RPS12: variants seen among roughly 807,000 people sequenced by gnomAD.
RPS12 encodes ribosomal protein S12.
In RPS12, 1 loss-of-function variant was observed where a neutral mutation model predicts 17.2. The observed-to-expected ratio is 0.06, with a 90% CI of 0.02 to 0.28. RPS12 has a LOEUF of 0.28. Among genes scored for constraint, RPS12 ranks in the 10% least tolerant of loss-of-function variants. RPS12 has a pLI of 1.00. For missense variants in RPS12, 146 were observed against 162.1 expected (o/e 0.90, Z 0.54); for synonymous variants, 67 against 54.0 (o/e 1.24, Z -1.06).
chr6:132,815,261 G>A (rs1164015683), intron 3 of RPS12, 173 bp downstream of exon 3: 3 of 749,196 alleles, frequency 4.0e-6, no homozygotes, highest in South Asian at 2.7e-5. Flanking sequence ...CACTTAAAAT[G>A]TGTGGGTTGC....
intron 4 of RPS12, 198 bp downstream of exon 4, chr6:132,816,761 A>C (rs768874234): frequency 1.3e-6 from 1 of 768,742 alleles, no homozygotes; most frequent in Admixed American, 1.7e-5. Flanking sequence ...TGACGTTGGT[A>C]TACAACAAAG....
intron 1 of RPS12, 30 bp from the exon 2 acceptor site, chr6:132,814,702 C>A: frequency 1.3e-6 from 2 of 1,578,912 alleles, no homozygotes; most frequent in Non-Finnish European, 1.7e-6. Flanking sequence ...GTATCTGGTT[C>A]TTTAACAAGT....
chr6:132,814,638 G>C (rs978765766), intron 1 of RPS12, 25 bp downstream of exon 1: 1 of 1,079,512 alleles, frequency 9.3e-7, no homozygotes, highest in African/African-American at 1.6e-5. Flanking sequence ...GCGGCAGGGG[G>C]GTGTATTGGT....
At chr6:132,814,668 C>T (rs9493450) in intron 1 of RPS12, 55 bp downstream of exon 1, 580,023 of 1,335,110 alleles carry the variant, frequency 0.43, 132,034 homozygotes, top group African/African-American at 0.73. Flanking sequence ...TGGCTCGTTG[C>T]GTTCTTGCTG....
intron 3 of RPS12, chr6:132,815,649 T>C (rs1483488209): frequency 4.4e-6 from 2 of 456,632 alleles, no homozygotes; most frequent in Non-Finnish European, 8.8e-6. Context: ...TTGAGCTGAA[T>C]TTAAATGCAG....
In RPS12 at chr6:132,816,827, C is replaced by T. The variant is rs745505963; in HGVS notation, c.235-133C>T. 4.6e-5 allele frequency: 36 copies of T among 780,372 alleles called. No homozygotes were observed. In the East Asian group the frequency reaches 7.5e-4, roughly 16 times the overall value. 48.3% of individuals were successfully genotyped at this position (780,372 alleles called of 1,614,324 possible). A position where few individuals can be genotyped will look rare whatever the true frequency, so the allele number is the denominator to read the frequency against. ...GCTGTACATGATGACAACTGGCTCC[C>T]TCTACTGAACTGCCATGAGGAAACT... On this transcript the variant is annotated intron_variant, in intron 4 of 5. Coordinates refer to ENST00000230050, the MANE Select transcript of RPS12 (RefSeq NM_001016.4).
In RPS12 at chr6:132,814,600, G is replaced by A. The variant is rs1173473207; in HGVS notation, c.-51G>A. ...CCCTGCCGCCGCCGAGTCGCGCGGA[G>A]GCGGAGGCTTGGGGTAAGTTGAGCG... On this transcript the variant is annotated 5_prime_UTR_variant, in exon 1 of 6. Transcript: ENST00000230050. The A allele has an allele frequency of 2.4e-6, 2 of 840,332 alleles. No homozygotes were observed. The highest frequency in any genetic ancestry group is 2.0e-6 in the Non-Finnish European group (1 of 499,016). The allele number at this position is 840,332 out of a possible 1,614,324, so 52.1% of individuals were successfully genotyped here. A position where few individuals can be genotyped will look rare whatever the true frequency, so the allele number is the denominator to read the frequency against.
Position 132,814,967 on chromosome 6 carries a change from T to A in RPS12, c.15-5T>A. ...AACTGATGGTTCTGATGTGTCGCGT[T>A]TAAGCATTGCTGCTGGAGGTGTAAT... On this transcript the variant is annotated splice_polypyrimidine_tract_variant and splice_region_variant and intron_variant, in intron 2 of 5. Transcript: ENST00000230050. 6.3e-7 allele frequency: 1 copy of A among 1,592,544 alleles called. No individual in the cohort carries two copies. Among genetic ancestry groups the A allele is most frequent in the Non-Finnish European group, 8.6e-7 (1 of 1,160,398 alleles).
At position 132,814,610 on chromosome 6, in the gene RPS12, T is replaced by C. The variant is rs897106328; in HGVS notation, c.-41T>C. 6 of 891,756 alleles carry C rather than the reference T, an allele frequency of 6.7e-6. No homozygotes were observed. The highest frequency in any genetic ancestry group is 7.4e-6 in the Non-Finnish European group (4 of 541,594). The allele number at this position is 891,756 out of a possible 1,614,324, so 55.2% of individuals were successfully genotyped here. ...GCCGAGTCGCGCGGAGGCGGAGGCT[T>C]GGGGTAAGTTGAGCGAGGCGGCAGG... On this transcript the variant is annotated 5_prime_UTR_variant, in exon 1 of 6. Coordinates refer to ENST00000230050, the MANE Select transcript of RPS12 (RefSeq NM_001016.4).
chr6:132,814,684 C>T (rs951132782), intron 1 of RPS12, 48 bp from the exon 2 acceptor site: 8 of 1,463,584 alleles, frequency 5.5e-6, no homozygotes, highest in Admixed American at 5.0e-5. Context: ...TGCTGGGATT[C>T]GTGACGAGTA....
At chr6:132,816,324 T>A (rs1782061307) in intron 3 of RPS12, 137 bp from the exon 4 acceptor site, 1 of 640,136 alleles carries the variant, frequency 1.6e-6, no homozygotes, top group Non-Finnish European at 2.8e-6. Context: ...CAAGCAATTT[T>A]GTACGCATTT....
intron 3 of RPS12, chr6:132,815,799 T>C (rs1237309190): frequency 8.8e-6 from 4 of 456,382 alleles, no homozygotes; most frequent in Admixed American, 2.4e-5. Context: ...TTGCATGGCA[T>C]TTCATAACTG....
intron 4 of RPS12, 106 bp downstream of exon 4, chr6:132,816,669 T>C (rs1008210687): frequency 2.2e-5 from 18 of 825,278 alleles, no homozygotes; most frequent in African/African-American, 1.0e-4. Context: ...GTGTAAACAT[T>C]ACGTGCACCT....
chr6:132,815,038 C>T lies in RPS12; in HGVS notation c.81C>T (p.Ile27=), dbSNP rs1201870594. 2 of 1,613,740 alleles carry T rather than the reference C, an allele frequency of 1.2e-6. No homozygotes were observed. The highest frequency in any genetic ancestry group is 1.7e-5 in the Admixed American group (1 of 60,014). The part of the protein sequence containing the change: ...ALQEVLKTAL[I]HDGLARGIRE... ...AAGAGGTTCTGAAGACTGCCCTCAT[C>T]CACGATGGCCTAGCACGTGGAATTC... Residue 27 remains isoleucine (I), a synonymous_variant, in exon 3 of 6, where the codon ATC becomes ATT. Transcript: ENST00000230050.
rs1035754000 is a variant in RPS12 at position 132,814,599 on chromosome 6, A to C, written c.-52A>C. The C allele has an allele frequency of 2.4e-6, 2 of 825,386 alleles. No individual in the cohort carries two copies. Among genetic ancestry groups the C allele is most frequent in the Non-Finnish European group, 4.1e-6 (2 of 487,206 alleles). The allele number at this position is 825,386 out of a possible 1,614,324, so 51.1% of individuals were successfully genotyped here. ...TCCCTGCCGCCGCCGAGTCGCGCGG[A>C]GGCGGAGGCTTGGGGTAAGTTGAGC... is the stretch of plus-strand genomic sequence containing the variant. On this transcript the variant is annotated 5_prime_UTR_variant, in exon 1 of 6. Transcript: ENST00000230050.
chr6:132,814,719 T>C lies in RPS12; in HGVS notation c.-37-13T>C, dbSNP rs747363539. ...ATCTGGTTCTTTAACAAGTCAATGC[T>C]TTTGTTTTTTAGTGCGTTCAAGATT... On this transcript the variant is annotated splice_polypyrimidine_tract_variant and intron_variant, in intron 1 of 5. Transcript: ENST00000230050. 2.5e-6 allele frequency: 4 copies of C among 1,605,136 alleles called. No individual in the cohort carries two copies. In the South Asian group the frequency reaches 4.4e-5, roughly 18 times the overall value.
At chr6:132,815,292 A>T in intron 3 of RPS12, 1 of 736,894 alleles carries the variant, frequency 1.4e-6, no homozygotes, top group Non-Finnish European at 2.5e-6. Context: ...GGGGATAAGC[A>T]CTCAAAACTA....
intron 3 of RPS12, chr6:132,815,847 T>C (rs13193584): frequency 1.6e-5 from 3 of 187,970 alleles, no homozygotes; most frequent in Non-Finnish European, 3.3e-5. Context: ...TTCTTTTTTC[T>C]TTTTTTTTTT....
intron 3 of RPS12, 33 bp downstream of exon 3, chr6:132,815,121 T>TG: frequency 7.2e-7 from 1 of 1,388,768 alleles, no homozygotes; most frequent in Non-Finnish European, 1.0e-6. Flanking sequence ...TGTGGGTTCT[T>TG]GCAACCGGAA....
Sources: gnomAD v4.1 joint callset for allele counts on GRCh38, gnomAD v4.1.1 for gene constraint, MANE v1.5 for transcripts, NCBI Gene and HGNC (gene_info 2026-07-23, HGNC 2026-07-21) for gene names.